NCOA5: variants seen among roughly 807,000 people sequenced by gnomAD.
NCOA5 encodes the protein nuclear receptor coactivator 5.
In NCOA5, 12 loss-of-function variants were observed where a neutral mutation model predicts 59.0. That is an observed-to-expected ratio of 0.20 (90% CI 0.13 to 0.33). The LOEUF (loss-of-function observed/expected upper bound fraction) is 0.33. Ranked by LOEUF, NCOA5 falls within the 10% of genes least tolerant of loss-of-function variation. The pLI, the probability that NCOA5 is intolerant of heterozygous loss-of-function variation, is 1.00. For synonymous variants in NCOA5, 270 were observed against 275.5 expected (o/e 0.98, Z 0.20); for missense variants, 655 against 766.6 (o/e 0.85, Z 1.72).
intron 1 of NCOA5, among the ~76,000 whole-genome samples, chr20:46,081,003 T>A (rs2084986383): frequency 6.6e-6 from 1 of 152,116 alleles, no homozygotes; most frequent in South Asian, 2.1e-4. Flanking sequence ...CTAGTTCAGG[T>A]TTATGACTTA....
intron 1 of NCOA5, among the ~76,000 whole-genome samples, chr20:46,085,133 C>G (rs1038318678): frequency 6.6e-6 from 1 of 152,074 alleles, no homozygotes; most frequent in East Asian, 1.9e-4. Flanking sequence ...TGAACTCAAG[C>G]GGTCTTCCTG....
At chr20:46,087,989 A>G (rs1426343415) in intron 1 of NCOA5, among the ~76,000 whole-genome samples, 1 of 137,150 alleles carries the variant, frequency 7.3e-6, no homozygotes. Context: ...ATATATACAT[A>G]TACATATATA....
chr20:46,082,306 T>C (rs559271218), intron 1 of NCOA5, among the ~76,000 whole-genome samples: 1 of 152,072 alleles, frequency 6.6e-6, no homozygotes, highest in Non-Finnish European at 1.5e-5. Flanking sequence ...TAAATCCTTA[T>C]AGAGAGATAT....
chr20:46,070,166 A>C (rs905138393), intron 3 of NCOA5, 44 bp downstream of exon 3: 3 of 1,505,238 alleles, frequency 2.0e-6, no homozygotes, highest in African/African-American at 1.4e-5. Flanking sequence ...GAACATACAT[A>C]AAAAGAACTC....
At chr20:46,066,990 TA>T (rs2084830987) in intron 5 of NCOA5, 64 bp downstream of exon 5, 12 of 1,576,218 alleles carry the variant, frequency 7.6e-6, no homozygotes, top group Non-Finnish European at 1.0e-5. Context: ...ATAGAGGTGC[TA>T]AACAGGAGCC....
At chr20:46,074,753 G>A (rs754584436) in intron 2 of NCOA5, among the ~76,000 whole-genome samples, 1 of 152,226 alleles carries the variant, frequency 6.6e-6, no homozygotes, top group Non-Finnish European at 1.5e-5. Context: ...AGCCTACAGA[G>A]TAAGAACTGA....
At position 46,079,860 on chromosome 20, in the gene NCOA5, G is replaced by A. The variant is rs566451076; in HGVS notation, c.-29-407C>T. Among the ~76,000 whole-genome samples the A allele has an allele frequency of 1.3e-4, 20 of 152,252 alleles. No homozygotes were observed. In the East Asian group the frequency reaches 3.9e-3, roughly 29 times the overall value. On this transcript the variant is annotated intron_variant, in intron 1 of 7. Coordinates refer to ENST00000290231, the MANE Select transcript of NCOA5 (RefSeq NM_020967.3). ...TAAGGAGAGTTTAAAAAACAAAAGA[G>A]CAAAGGCAAATAATTCTATTTTATG...
intron 1 of NCOA5, among the ~76,000 whole-genome samples, chr20:46,080,936 A>G (rs1311305874): frequency 1.3e-5 from 2 of 152,160 alleles, no homozygotes; most frequent in Non-Finnish European, 2.9e-5. Context: ...TACAAATTAT[A>G]TAATGACAGG....
At chr20:46,081,145 A>C (rs965203824) in intron 1 of NCOA5, among the ~76,000 whole-genome samples, 4 of 152,126 alleles carry the variant, frequency 2.6e-5, no homozygotes, top group African/African-American at 9.6e-5. Flanking sequence ...GTGTGTATTA[A>C]GATAAAAAAT....
At position 46,063,404 on chromosome 20, in the gene NCOA5, T is replaced by C. The variant is rs760321851; in HGVS notation, c.1106A>G (p.Glu369Gly). Residue 369 changes from glutamate to glycine, a missense_variant, in exon 7 of 8, where the codon GAG becomes GGG. Glu to Gly is a moderately conservative substitution (Grantham distance 98). Transcript: ENST00000290231. ...ETDKIINYLR[E>G]RKERLMRSST... ...GCTCCTCATCAGCCGCTCCTTCCGC[T>C]CTCGCAGGTAGTTGATGATCTTGTC... is the stretch of plus-strand genomic sequence containing the variant. The C allele has an allele frequency of 6.2e-7, 1 of 1,613,832 alleles. No homozygotes were observed. Among genetic ancestry groups the C allele is most frequent in the African/African-American group, 1.3e-5 (1 of 74,900 alleles).
At chr20:46,089,462 C>T (rs1013413841) in intron 1 of NCOA5, among the ~76,000 whole-genome samples, 1 of 152,220 alleles carries the variant, frequency 6.6e-6, no homozygotes, top group African/African-American at 2.4e-5. Context: ...GCGACTCCAC[C>T]GTTTCGACAG....
rs532990892 is a variant in NCOA5 at position 46,062,762 on chromosome 20, G to A, written c.1278C>T (p.Thr426=). 1 of 1,607,230 alleles carries A rather than the reference G, an allele frequency of 6.2e-7. No individual in the cohort carries two copies. The highest frequency in any genetic ancestry group is 1.7e-5 in the Admixed American group (1 of 59,716). Reference sequence around the variant, plus strand: ...TTTTGGCCTGAAGCTCTTGCTGGGAGGTGGGGGGTGCAGATGGAGTGGGTG... The same window carrying A: ...TTTTGGCCTGAAGCTCTTGCTGGGAAGTGGGGGGTGCAGATGGAGTGGGTG... The part of the protein sequence containing the change: ...SATPTPSAPP[T]SQQELQAKIL... The change falls in exon 8 of 8, where the codon ACC becomes ACT. Residue 426 remains threonine (T), a synonymous_variant. Transcript: ENST00000290231.
At chr20:46,083,849 G>A (rs1033029557) in intron 1 of NCOA5, among the ~76,000 whole-genome samples, 11 of 152,300 alleles carry the variant, frequency 7.2e-5, no homozygotes, top group African/African-American at 2.4e-4. Flanking sequence ...CAACTTTGAT[G>A]ATATATTGCA....
chr20:46,076,814 T>C (rs2084943051), intron 2 of NCOA5, among the ~76,000 whole-genome samples: 1 of 152,206 alleles, frequency 6.6e-6, no homozygotes, highest in Non-Finnish European at 1.5e-5. Flanking sequence ...GTCACTGCCC[T>C]ATCCACACCA....
At chr20:46,089,203 T>C (rs567739070) in intron 1 of NCOA5, among the ~76,000 whole-genome samples, 1 of 152,160 alleles carries the variant, frequency 6.6e-6, no homozygotes, top group South Asian at 2.1e-4. Flanking sequence ...CTGAGCTACG[T>C]GGTAAACCCG....
chr20:46,078,358 T>C (rs1303122252), intron 2 of NCOA5, among the ~76,000 whole-genome samples: 1 of 152,230 alleles, frequency 6.6e-6, no homozygotes, highest in Non-Finnish European at 1.5e-5. Flanking sequence ...CTGTATGTTA[T>C]GCGTAATGCT....
chr20:46,068,410 C>T, intron 4 of NCOA5, 92 bp downstream of exon 4: 1 of 1,406,800 alleles, frequency 7.1e-7, no homozygotes, highest in Non-Finnish European at 9.5e-7. Context: ...GGCACTAGCC[C>T]TTTTTCAGAT....
intron 1 of NCOA5, among the ~76,000 whole-genome samples, chr20:46,087,659 T>C (rs1406653255): frequency 1.3e-5 from 2 of 152,188 alleles, no homozygotes; most frequent in African/African-American, 4.8e-5. Context: ...CTTAGGAGAC[T>C]GAGGCAGGAG....
At chr20:46,073,528 G>A (rs16991058) in intron 2 of NCOA5, among the ~76,000 whole-genome samples, 1 of 152,102 alleles carries the variant, frequency 6.6e-6, no homozygotes, top group Non-Finnish European at 1.5e-5. Flanking sequence ...AAGATCCAAA[G>A]AGAAAGGACA....
Sources: allele counts gnomAD v4.1 joint callset (sites outside exome capture counted in the v4.1 genomes callset), GRCh38; gene constraint gnomAD v4.1.1; transcripts MANE v1.5; gene names NCBI Gene and HGNC (gene_info 2026-07-23, HGNC 2026-07-21).